PDE10A: variants seen among roughly 807,000 people sequenced by gnomAD.
PDE10A encodes cAMP and cAMP-inhibited cGMP 3',5'-cyclic phosphodiesterase 10A.
PDE10A carries 39 observed loss-of-function variants against 97.7 expected under a neutral mutation model. The observed-to-expected ratio is 0.40, with a 90% CI of 0.31 to 0.52. The LOEUF is 0.52. Among genes scored for constraint, PDE10A ranks in the 20% least tolerant of loss-of-function variants. The probability of loss-of-function intolerance (pLI) is 0.56; values close to 1 mark genes in which losing one functional copy is unlikely to be tolerated. For synonymous variants in PDE10A, 371 were observed against 376.8 expected (o/e 0.98, Z 0.18); for missense variants, 731 against 1,047.8 (o/e 0.70, Z 4.17).
chr6:165,865,750 G>T (rs1436678657), intron 1 of PDE10A, among the ~76,000 whole-genome samples: 1 of 79,274 alleles, frequency 1.3e-5, no homozygotes, highest in African/African-American at 4.8e-5. Context: ...GAAAAAAAGG[G>T]ATAAAAAAAA....
intron 1 of PDE10A, among the ~76,000 whole-genome samples, chr6:165,854,915 G>A (rs1205051044): frequency 1.3e-5 from 2 of 152,206 alleles, no homozygotes; most frequent in African/African-American, 4.8e-5. Flanking sequence ...CAGGGGATGC[G>A]GGAAGGTTTG....
At chr6:165,483,938 A>G (rs867963476) in intron 2 of PDE10A, among the ~76,000 whole-genome samples, 6 of 152,216 alleles carry the variant, frequency 3.9e-5, no homozygotes, top group Admixed American at 2.0e-4. Flanking sequence ...TAAAATCAAT[A>G]ATTTTTTGCT....
Position 165,677,127 on chromosome 6 carries a change from T to C in PDE10A, c.-614-133559A>G, listed in dbSNP as rs570948060. Among the ~76,000 whole-genome samples, 110 of 152,352 alleles carry C rather than the reference T, an allele frequency of 7.2e-4. 1 individual carries two copies. In the South Asian group the frequency reaches 0.022, roughly 30 times the overall value. On this transcript the variant is annotated intron_variant, in intron 1 of 19. Transcript: ENST00000366882. ...TAGATGTTGCTGTGAAGGCATTTTG[T>C]AGATGAGGATTAACGTTAGATCCGT...
rs146887209 is a variant in PDE10A, at chr6:165,809,199, A to G, written c.-615+178330T>C. ...AGAAAATTAAGCTTGTTCTTCCCTA[A>G]GAGGCAGAAACACTGGTGCCCCCCT... is the stretch of plus-strand genomic sequence containing the variant. On this transcript the variant is annotated intron_variant, in intron 1 of 19. Transcript: ENST00000366882. Among the ~76,000 whole-genome samples the G allele has an allele frequency of 1.5e-4, 23 of 152,312 alleles. No homozygotes were observed. In the East Asian group the frequency reaches 3.9e-3, roughly 26 times the overall value.
chr6:165,471,549 A>G (rs1032535855), intron 3 of PDE10A, among the ~76,000 whole-genome samples: 12 of 152,186 alleles, frequency 7.9e-5, no homozygotes, highest in African/African-American at 2.9e-4. Context: ...GTCTGTTAGG[A>G]ACCACCCCCT....
At chr6:165,719,612 A>G (rs1792115400) in intron 1 of PDE10A, among the ~76,000 whole-genome samples, 1 of 142,316 alleles carries the variant, frequency 7.0e-6, no homozygotes. Context: ...TTCCAGCACA[A>G]TAAGTGTGTG....
chr6:165,375,748 C>T (rs1167031930), intron 18 of PDE10A, among the ~76,000 whole-genome samples: 4 of 152,200 alleles, frequency 2.6e-5, no homozygotes, highest in Non-Finnish European at 4.4e-5. Context: ...TAGCTGGTGA[C>T]ATCAGGGTAA....
intron 1 of PDE10A, among the ~76,000 whole-genome samples, chr6:165,859,863 A>G (rs1441772608): frequency 6.6e-6 from 1 of 152,192 alleles, no homozygotes; most frequent in African/African-American, 2.4e-5. Context: ...TCAGCCATAA[A>G]AAGGAATGAA....
At chr6:165,503,510 G>T (rs756748587) in intron 2 of PDE10A, among the ~76,000 whole-genome samples, 1 of 152,146 alleles carries the variant, frequency 6.6e-6, no homozygotes, top group Admixed American at 6.5e-5. Flanking sequence ...ACAGCCACAG[G>T]TCTCTGCCCA....
intron 1 of PDE10A, among the ~76,000 whole-genome samples, chr6:165,976,484 G>C (rs1313167114): frequency 6.6e-6 from 1 of 152,156 alleles, no homozygotes; most frequent in Non-Finnish European, 1.5e-5. Context: ...AACCCTTGGG[G>C]TAGGGTGATT....
intron 1 of PDE10A, among the ~76,000 whole-genome samples, chr6:165,587,481 T>C (rs1461315178): frequency 6.6e-6 from 1 of 152,222 alleles, no homozygotes; most frequent in African/African-American, 2.4e-5. Flanking sequence ...TTAGCATGTA[T>C]TCCCTAAACA....
intron 1 of PDE10A, among the ~76,000 whole-genome samples, chr6:165,694,060 C>G (rs1034251729): frequency 3.3e-5 from 5 of 152,192 alleles, no homozygotes; most frequent in Non-Finnish European, 7.3e-5. Context: ...CCACTCAACA[C>G]TTATGTGCAA....
intron 1 of PDE10A, among the ~76,000 whole-genome samples, chr6:165,598,245 A>G (rs865901642): frequency 6.6e-6 from 1 of 152,162 alleles, no homozygotes. Flanking sequence ...AGTATACTTC[A>G]CTAATAGTAT....
chr6:165,757,646 A>G (rs1027271841), intron 1 of PDE10A, among the ~76,000 whole-genome samples: 1 of 152,052 alleles, frequency 6.6e-6, no homozygotes, highest in Non-Finnish European at 1.5e-5. Flanking sequence ...TCTTTTGTGT[A>G]TTTGTATCTA....
intron 1 of PDE10A, among the ~76,000 whole-genome samples, chr6:165,805,891 C>T (rs975225258): frequency 2.0e-5 from 3 of 151,994 alleles, no homozygotes; most frequent in Non-Finnish European, 4.4e-5. Context: ...GTGCACACGA[C>T]GCCATCTCCC....
intron 1 of PDE10A, among the ~76,000 whole-genome samples, chr6:165,703,368 C>T (rs1014894178): frequency 5.3e-5 from 8 of 152,126 alleles, no homozygotes; most frequent in Middle Eastern, 3.2e-3. Flanking sequence ...CATTTCGCCA[C>T]GTTTTAGAGT....
chr6:165,645,374 C>T (rs113905480), intron 1 of PDE10A, among the ~76,000 whole-genome samples: 2 of 152,156 alleles, frequency 1.3e-5, no homozygotes, highest in Admixed American at 1.3e-4. Context: ...CTGTCCTTAT[C>T]TCAGGCTCTG....
At chr6:165,435,033 A>T (rs1317866966) in intron 6 of PDE10A, among the ~76,000 whole-genome samples, 1 of 152,200 alleles carries the variant, frequency 6.6e-6, no homozygotes, top group Admixed American at 6.5e-5. Flanking sequence ...TTGAAATAAG[A>T]ACTGTGCACA....
intron 17 of PDE10A, among the ~76,000 whole-genome samples, chr6:165,385,391 G>A (rs1785236409): frequency 6.6e-6 from 1 of 152,112 alleles, no homozygotes; most frequent in Non-Finnish European, 1.5e-5. Flanking sequence ...GCACTAGGCA[G>A]AATTACATGG....
Sources: gnomAD v4.1 joint callset for allele counts (sites outside exome capture counted in the v4.1 genomes callset) on GRCh38, gnomAD v4.1.1 for gene constraint, MANE v1.5 for transcripts, NCBI Gene and HGNC (gene_info 2026-07-23, HGNC 2026-07-21) for gene names.